PAK1: variants seen among roughly 807,000 people sequenced by gnomAD.
PAK1 encodes serine/threonine-protein kinase PAK 1.
A neutral mutation model predicts 67.4 loss-of-function variants in PAK1; 29 were observed. The ratio of observed to expected loss-of-function variants is 0.43; its 90% CI spans 0.32 to 0.59. PAK1 has a LOEUF of 0.59. Ranked by LOEUF, PAK1 falls within the 20% of genes least tolerant of loss-of-function variation. The pLI is 0.07. For missense variants in PAK1, 337 were observed against 670.7 expected, an observed-to-expected ratio of 0.50 and a Z score of 5.50; for synonymous variants, 223 against 237.4, an observed-to-expected ratio of 0.94 and a Z score of 0.56.
chr11:77,519,550 C>T, the PAK1 span, among the ~76,000 whole-genome samples: 48,320 of 152,032 alleles, frequency 0.32, 7,993 homozygotes, highest in Admixed American at 0.36. Context: ...GGGTGTCAGC[C>T]GGATCTCTCT....
chr11:77,369,815 G>C (rs1413490568), intron 5 of PAK1, among the ~76,000 whole-genome samples: 1 of 151,974 alleles, frequency 6.6e-6, no homozygotes, highest in Non-Finnish European at 1.5e-5. Context: ...TAATAGCAGG[G>C]TGTTTTTGTA....
At chr11:77,346,865 C>T (rs1388265441) in intron 9 of PAK1, among the ~76,000 whole-genome samples, 1 of 152,192 alleles carries the variant, frequency 6.6e-6, no homozygotes, top group Non-Finnish European at 1.5e-5. Flanking sequence ...GACTCCAAAG[C>T]CTCTTCCAGT....
chr11:77,486,685 G>A, the PAK1 span, among the ~76,000 whole-genome samples: 10 of 152,152 alleles, frequency 6.6e-5, no homozygotes, highest in African/African-American at 2.4e-4. Context: ...CTGCCACCCT[G>A]TCACAGTGGG....
At chr11:77,337,273 A>T (rs758697678) in intron 12 of PAK1, 51 bp downstream of exon 12, 1 of 890,886 alleles carries the variant, frequency 1.1e-6, no homozygotes, top group Admixed American at 2.0e-5. Flanking sequence ...CTCACAGGAG[A>T]CAGGGCCCCA....
At chr11:77,393,218 CCT>C in intron 1 of PAK1, among the ~76,000 whole-genome samples, 1 of 151,710 alleles carries the variant, frequency 6.6e-6, no homozygotes, top group Non-Finnish European at 1.5e-5. Context: ...TTTGCTAACC[CCT>C]GAGACTATAT....
chr11:77,453,017 T>C (rs950160732), intron 1 of PAK1, among the ~76,000 whole-genome samples: 6 of 152,218 alleles, frequency 3.9e-5, no homozygotes, highest in African/African-American at 1.4e-4. Flanking sequence ...CAGATGTAAA[T>C]TCATCCATGC....
chr11:77,334,623 C>T (rs1441020394), intron 13 of PAK1, among the ~76,000 whole-genome samples: 1 of 152,228 alleles, frequency 6.6e-6, no homozygotes. Flanking sequence ...TCCTTTACTT[C>T]AGTACTTGAT....
intron 5 of PAK1, among the ~76,000 whole-genome samples, chr11:77,364,565 T>C (rs897236683): frequency 6.6e-6 from 1 of 152,108 alleles, no homozygotes; most frequent in Non-Finnish European, 1.5e-5. Context: ...ATAAAAAAGC[T>C]AGCAACTTTT....
intron 8 of PAK1, chr11:77,349,560 TG>T (rs1203061671): frequency 4.9e-6 from 2 of 410,666 alleles, no homozygotes; most frequent in Non-Finnish European, 9.1e-6. Context: ...TTAACTTCTT[TG>T]AGCTTCACTT....
chr11:77,329,585 C>T (rs997011742), intron 14 of PAK1, among the ~76,000 whole-genome samples: 2 of 151,986 alleles, frequency 1.3e-5, no homozygotes, highest in Non-Finnish European at 2.9e-5. Flanking sequence ...ATTCAACAAC[C>T]CTTCATGCTA....
intron 8 of PAK1, among the ~76,000 whole-genome samples, chr11:77,350,441 T>C (rs1163446234): frequency 2.0e-5 from 3 of 152,124 alleles, no homozygotes; most frequent in Non-Finnish European, 4.4e-5. Context: ...AGGAAAGTAA[T>C]AATTCATTCA....
At chr11:77,447,041 A>T (rs1555172745) in intron 1 of PAK1, among the ~76,000 whole-genome samples, 1 of 152,226 alleles carries the variant, frequency 6.6e-6, no homozygotes. Flanking sequence ...ATAAAGACAT[A>T]GGAAGTATAA....
intron 1 of PAK1, chr11:77,396,897 T>C (rs1951901096): frequency 6.6e-6 from 1 of 152,174 alleles, no homozygotes; most frequent in Non-Finnish European, 1.5e-5. Flanking sequence ...CCAATGGTCA[T>C]TTTGTATATC....
chr11:77,427,294 G>A (rs1592430918), intron 1 of PAK1, among the ~76,000 whole-genome samples: 1 of 152,154 alleles, frequency 6.6e-6, no homozygotes, highest in Admixed American at 6.5e-5. Context: ...TTTTTTAGTA[G>A]GATGATGTCA....
chr11:77,373,289 C>A (rs958722274), intron 5 of PAK1, among the ~76,000 whole-genome samples: 3 of 152,098 alleles, frequency 2.0e-5, no homozygotes, highest in African/African-American at 7.2e-5. Context: ...AATCCTAACA[C>A]TTTGGGAGGT....
intron 4 of PAK1, among the ~76,000 whole-genome samples, chr11:77,377,918 C>G (rs1949309798): frequency 6.6e-6 from 1 of 152,190 alleles, no homozygotes; most frequent in Non-Finnish European, 1.5e-5. Context: ...GAGACAGACT[C>G]AGCGGGGCCA....
intron 1 of PAK1, among the ~76,000 whole-genome samples, chr11:77,436,550 T>A (rs1187452400): frequency 6.6e-6 from 1 of 152,254 alleles, no homozygotes; most frequent in African/African-American, 2.4e-5. Context: ...GACTACTGCA[T>A]GCAAGACACT....
chr11:77,449,691 T>TTAAAA (rs778037900), intron 1 of PAK1, among the ~76,000 whole-genome samples: 5 of 113,946 alleles, frequency 4.4e-5, no homozygotes, highest in Non-Finnish European at 7.0e-5. Flanking sequence ...ATCCTATAGG[T>TTAAAA]AAAAAAAAAA....
intron 1 of PAK1, among the ~76,000 whole-genome samples, chr11:77,405,666 G>GAGAC (rs1555167126): frequency 8.5e-6 from 1 of 117,384 alleles, no homozygotes; most frequent in African/African-American, 4.2e-5. Context: ...CAGACAGACA[G>GAGAC]ACAGACAGAC....
Sources: allele counts gnomAD v4.1 joint callset (sites outside exome capture counted in the v4.1 genomes callset), GRCh38; gene constraint gnomAD v4.1.1; transcripts MANE v1.5; gene names NCBI Gene and HGNC (gene_info 2026-07-23, HGNC 2026-07-21).